Variants in TRIM37 observed in about 807,000 individuals in gnomAD.
TRIM37 encodes the protein E3 ubiquitin-protein ligase TRIM37.
In TRIM37, 80 loss-of-function variants were observed where a neutral mutation model predicts 129.8. That is an observed-to-expected ratio of 0.62 (90% CI 0.51 to 0.74). The LOEUF (loss-of-function observed/expected upper bound fraction) is 0.74, where lower values mean the gene tolerates loss of function less well. Among genes scored for constraint, TRIM37 ranks in the 30% least tolerant of loss-of-function variants. The pLI is 0.00. For synonymous variants in TRIM37, 389 were observed against 387.1 expected (o/e 1.00, Z -0.06); for missense variants, 1,054 against 1,176.5 (o/e 0.90, Z 1.52).
intron 17 of TRIM37, among the ~76,000 whole-genome samples, chr17:59,036,568 G>A (rs373460033): frequency 6.6e-6 from 1 of 151,278 alleles, no homozygotes; most frequent in East Asian, 2.0e-4. Context: ...CTGTACCCTC[G>A]AACTCCTAGG....
intron 22 of TRIM37, among the ~76,000 whole-genome samples, chr17:59,005,817 T>A (rs2034409218): frequency 6.6e-6 from 1 of 152,186 alleles, no homozygotes; most frequent in Non-Finnish European, 1.5e-5. Flanking sequence ...TTTTATTAAG[T>A]ATACCATGTG....
At chr17:59,037,960 T>TC (rs1236856494) in intron 17 of TRIM37, among the ~76,000 whole-genome samples, 1 of 152,186 alleles carries the variant, frequency 6.6e-6, no homozygotes, top group South Asian at 2.1e-4. Flanking sequence ...TATGATTTTT[T>TC]CCCTCATGAT....
intron 22 of TRIM37, among the ~76,000 whole-genome samples, chr17:59,006,812 C>CT (rs1801891581): frequency 6.6e-6 from 1 of 152,048 alleles, no homozygotes; most frequent in African/African-American, 2.4e-5. Flanking sequence ...TCGCTTGAAC[C>CT]TGGGAGGTGG....
rs771779263 is a variant in TRIM37 at position 58,992,260 on chromosome 17, TAA to T, written c.2891+7119_2891+7120del. Among the ~76,000 whole-genome samples the T allele has an allele frequency of 3.2e-3, 349 of 109,680 alleles. 1 individual carries two copies. Among genetic ancestry groups the T allele is most frequent in the Non-Finnish European group, 4.7e-3 (238 of 50,720 alleles). The allele number at this position is 109,680 out of a possible 152,430, so 72.0% of individuals were successfully genotyped here. A position where few individuals can be genotyped will look rare whatever the true frequency, so the allele number is the denominator to read the frequency against. ...CCAGGCACACTGATATATATATATA[TAA>T]ATATAAATATATATATATTTATATT... On this transcript the variant is annotated intron_variant, in intron 24 of 24. Coordinates refer to the TRIM37 transcript ENST00000393066.
chr17:59,035,226 A>T (rs1367607216), intron 17 of TRIM37, among the ~76,000 whole-genome samples: 1 of 151,524 alleles, frequency 6.6e-6, no homozygotes, highest in Non-Finnish European at 1.5e-5. Context: ...CACCAAGCTA[A>T]TTTTTTCTAC....
chr17:58,971,508 A>G, the TRIM37 span, among the ~76,000 whole-genome samples: 1 of 152,180 alleles, frequency 6.6e-6, no homozygotes, highest in African/African-American at 2.4e-5. Flanking sequence ...TTAGTTCTTT[A>G]TGCAATGTTC....
intron 23 of TRIM37, among the ~76,000 whole-genome samples, chr17:58,999,662 A>G (rs2033423393): frequency 6.6e-6 from 1 of 152,164 alleles, no homozygotes; most frequent in African/African-American, 2.4e-5. Context: ...ATAAAGGAGA[A>G]AAAAACAAAA....
intron 22 of TRIM37, among the ~76,000 whole-genome samples, chr17:59,009,443 C>CTTTTTTTT (rs61545184): frequency 1.9e-5 from 2 of 107,622 alleles, no homozygotes; most frequent in African/African-American, 6.4e-5. Context: ...AATTTCTTTT[C>CTTTTTTTT]TTTTTTTTTT....
downstream of TRIM37, chr17:58,980,493 C>A (rs768082592): frequency 6.8e-6 from 11 of 1,614,064 alleles, no homozygotes. The surrounding 1 kb of genome is among the most constrained non-coding windows in gnomAD (Gnocchi z 4.7). Context: ...CAAATAGAAG[C>A]AAGCAAACCT....
chr17:59,057,403 G>A (rs531063115), intron 12 of TRIM37, among the ~76,000 whole-genome samples: 1 of 152,220 alleles, frequency 6.6e-6, no homozygotes, highest in South Asian at 2.1e-4. Context: ...TGGAGACGGG[G>A]GTTCATGTTG....
chr17:59,055,300 C>T (rs181192572), intron 13 of TRIM37, among the ~76,000 whole-genome samples: 4 of 126,976 alleles, frequency 3.2e-5, no homozygotes, highest in Non-Finnish European at 4.7e-5. Flanking sequence ...CGCGCCATTG[C>T]GCTCCAGCCT....
downstream of TRIM37, chr17:58,980,206 C>T: frequency 6.2e-7 from 1 of 1,614,160 alleles, no homozygotes; most frequent in South Asian, 1.1e-5. This position sits in a 1 kb window ranked among gnomAD's most constrained non-coding sequence, Gnocchi z 4.7. Context: ...GTGATAACAT[C>T]ACGGTTATTG....
intron 24 of TRIM37, among the ~76,000 whole-genome samples, chr17:58,992,268 AAT>A (rs1454919085): frequency 2.8e-5 from 4 of 143,502 alleles, no homozygotes; most frequent in East Asian, 2.0e-4. Flanking sequence ...TATAAATATA[AAT>A]ATATATATAT....
downstream of TRIM37, chr17:58,981,185 G>A: frequency 1.6e-6 from 1 of 609,622 alleles, no homozygotes; most frequent in Non-Finnish European, 2.8e-6. Context: ...GAAACTCAAA[G>A]TACAGTGTTT....
rs1567954945 is a variant in TRIM37, at chr17:59,007,235, A to ACC, written c.2695+5092_2695+5093insGG. On this transcript the variant is annotated intron_variant, in intron 22 of 23. Transcript: ENST00000262294. ...AACCACCCCACCCCCACCCACCCAC[A>ACC]CACACACACACGTTCCTGATGACAC... Among the ~76,000 whole-genome samples the ACC allele has an allele frequency of 1.8e-3, 38 of 20,884 alleles. 1 individual carries two copies. The highest frequency in any genetic ancestry group is 6.9e-3 in the African/African-American group (35 of 5,092). 13.7% of individuals were successfully genotyped at this position (20,884 alleles called of 152,430 possible). A position where few individuals can be genotyped will look rare whatever the true frequency, so the allele number is the denominator to read the frequency against.
At chr17:59,050,309 G>A (rs2040212832) in intron 14 of TRIM37, among the ~76,000 whole-genome samples, 1 of 152,200 alleles carries the variant, frequency 6.6e-6, no homozygotes, top group Non-Finnish European at 1.5e-5. Flanking sequence ...TTTATGCAAT[G>A]ATGGAAATGC....
chr17:58,980,143 C>G, downstream of TRIM37: 1 of 1,614,092 alleles, frequency 6.2e-7, no homozygotes, highest in South Asian at 1.1e-5. This position sits in a 1 kb window ranked among gnomAD's most constrained non-coding sequence, Gnocchi z 4.7. Flanking sequence ...ATAATGGAGA[C>G]AGCAGCATGG....
At chr17:59,016,942 G>A (rs997207860) in intron 20 of TRIM37, among the ~76,000 whole-genome samples, 2 of 152,120 alleles carry the variant, frequency 1.3e-5, no homozygotes, top group African/African-American at 4.8e-5. Context: ...TTGGGAGGTT[G>A]AGGCAGGCGG....
chr17:59,082,719 A>G (rs894648300), intron 5 of TRIM37, among the ~76,000 whole-genome samples: 3 of 152,206 alleles, frequency 2.0e-5, no homozygotes, highest in African/African-American at 7.2e-5. Flanking sequence ...TTAATATAAG[A>G]AACCTCCTAT....
Sources: allele counts gnomAD v4.1 joint callset (sites outside exome capture counted in the v4.1 genomes callset), GRCh38; gene constraint gnomAD v4.1.1; non-coding constraint Gnocchi (gnomAD v3.1); transcripts MANE v1.5; gene names NCBI Gene and HGNC (gene_info 2026-07-23, HGNC 2026-07-21).